Variants in AK7 observed in about 807,000 individuals in gnomAD.
The protein encoded by AK7 is adenylate kinase 7.
In AK7, 78 loss-of-function variants were observed where a neutral mutation model predicts 96.6. That is an observed-to-expected ratio of 0.81 (90% confidence interval 0.67 to 0.97). The LOEUF is 0.97. AK7 is among the 50% of genes least tolerant of loss of function. AK7 has a pLI of 0.00. For missense variants in AK7, 855 were observed against 887.9 expected (o/e 0.96, Z 0.47); for synonymous variants, 302 against 317.2 (o/e 0.95, Z 0.51).
chr14:96,401,802 G>C lies in AK7; in HGVS notation c.295-2955G>C, dbSNP rs75249588. 2.9e-3 allele frequency among the ~76,000 whole-genome samples: 448 copies of C among 152,320 alleles called. 4 individuals are homozygous for C. Among genetic ancestry groups the C allele is most frequent in the African/African-American group, 0.01 (421 of 41,566 alleles). ...CCCTGAGCATTCTGGGCTCTGCCAG[G>C]TGAGCTTGTATTCATCCTTCCAGCC... On this transcript the variant is annotated intron_variant, in intron 2 of 17. Coordinates refer to ENST00000267584, the MANE Select transcript of AK7 (RefSeq NM_152327.5).
intron 14 of AK7, among the ~76,000 whole-genome samples, chr14:96,476,836 GA>G (rs1482629183): frequency 6.6e-6 from 1 of 152,150 alleles, no homozygotes; most frequent in Non-Finnish European, 1.5e-5. Context: ...GATCAGCCTG[GA>G]AGAAAGATAG....
At chr14:96,402,185 G>GCACACACA (rs34222287) in intron 2 of AK7, among the ~76,000 whole-genome samples, 3,694 of 146,240 alleles carry the variant, frequency 0.025, 59 homozygotes, top group Non-Finnish European at 0.037. Context: ...ATACACAGAT[G>GCACACACA]CACACACACA....
intron 10 of AK7, among the ~76,000 whole-genome samples, chr14:96,453,670 T>C (rs1373344296): frequency 6.6e-6 from 1 of 152,210 alleles, no homozygotes; most frequent in Admixed American, 6.6e-5. Context: ...TGGCTCCCAG[T>C]GTCCATCTGC....
rs1199157206 is a variant in AK7 at position 96,482,240 on chromosome 14, CA to C, written c.1754-755del. Among the ~76,000 whole-genome samples, 31 of 151,380 alleles carry C rather than the reference CA, an allele frequency of 2.0e-4. 1 individual carries two copies. Among genetic ancestry groups the C allele is most frequent in the Admixed American group, 2.0e-3 (31 of 15,190 alleles). On this transcript the variant is annotated intron_variant, in intron 15 of 17. Transcript: ENST00000267584. Reference sequence around the variant, plus strand: ...TGGGGAGACCCTGTCTCTATAAAAACAAAACAAAACAATAAAAAACAAACAT... The same window carrying C: ...TGGGGAGACCCTGTCTCTATAAAAACAAACAAAACAATAAAAAACAAACAT...
Position 96,488,415 on chromosome 14 carries a change from T to C in AK7, c.*72T>C. ...CTTATTATACTTTGAAAAATTGCTTTGAAAAATGCTTTTCCAGTTCTTAGA... is the reference window on the plus strand; with the variant it reads ...CTTATTATACTTTGAAAAATTGCTTCGAAAAATGCTTTTCCAGTTCTTAGA... On this transcript the variant is annotated 3_prime_UTR_variant, in exon 18 of 18. Coordinates refer to ENST00000267584, the MANE Select transcript of AK7 (RefSeq NM_152327.5). The C allele has an allele frequency of 7.3e-7, 1 of 1,373,634 alleles. No homozygotes were observed. Among genetic ancestry groups the C allele is most frequent in the South Asian group, 1.4e-5 (1 of 73,032 alleles). 85.1% of individuals were successfully genotyped at this position (1,373,634 alleles called of 1,614,324 possible). A position where few individuals can be genotyped will look rare whatever the true frequency, so the allele number is the denominator to read the frequency against.
rs561317667 is a variant in AK7, at chr14:96,470,433, C to T, written c.1358-1045C>T. On this transcript the variant is annotated intron_variant, in intron 12 of 17. Transcript: ENST00000267584. The stretch of plus-strand genomic sequence containing the variant: ...ATTAAGCAAGGTAAGGATGGGGCTG[C>T]GTTTTGAACATTGTAGCTGTTCAAT... Among the ~76,000 whole-genome samples the T allele has an allele frequency of 5.9e-5, 9 of 152,188 alleles. No homozygotes were observed. In the South Asian group the frequency reaches 6.2e-4, roughly 11 times the overall value.
chr14:96,417,616 T>C (rs997278937), intron 4 of AK7, among the ~76,000 whole-genome samples: 1 of 152,338 alleles, frequency 6.6e-6, no homozygotes, highest in Middle Eastern at 3.4e-3. Context: ...CCGAAATGTA[T>C]CATAAACACA....
intron 17 of AK7, chr14:96,487,918 A>T (rs1895863087): frequency 3.3e-6 from 1 of 300,672 alleles, no homozygotes; most frequent in African/African-American, 2.3e-5. Context: ...TTATTTATTT[A>T]TTATTTATTT....
chr14:96,421,044 T>C (rs1891660398), intron 5 of AK7, 112 bp downstream of exon 5: 2 of 698,308 alleles, frequency 2.9e-6, no homozygotes, highest in Non-Finnish European at 4.8e-6. Flanking sequence ...CACCCCAGGA[T>C]ACACTGTCCT....
At chr14:96,421,247 T>G (rs189599529) in intron 5 of AK7, among the ~76,000 whole-genome samples, 3 of 152,292 alleles carry the variant, frequency 2.0e-5, no homozygotes, top group Admixed American at 2.0e-4. Context: ...AGAATCTATC[T>G]CATTTGTTTC....
chr14:96,474,446 T>TAAAAAAAAAAAAA (rs1170896129), intron 14 of AK7, among the ~76,000 whole-genome samples: 1 of 101,470 alleles, frequency 9.9e-6, no homozygotes, highest in Non-Finnish European at 2.0e-5. Context: ...TCATATCTAC[T>TAAAAAAAAAAAAA]AAAAAAAAAA....
intron 15 of AK7, among the ~76,000 whole-genome samples, chr14:96,479,461 G>A (rs1490452847): frequency 1.4e-4 from 21 of 151,228 alleles, no homozygotes; most frequent in Non-Finnish European, 2.4e-4. Context: ...CTTGGGAGCA[G>A]TGTTCTGTCC....
intron 1 of AK7, among the ~76,000 whole-genome samples, chr14:96,393,970 G>A (rs1387944253): frequency 1.3e-5 from 2 of 152,118 alleles, no homozygotes; most frequent in African/African-American, 2.4e-5. Context: ...TTAACCGGGC[G>A]TGGTGGCAGG....
intron 3 of AK7, among the ~76,000 whole-genome samples, chr14:96,405,273 C>G (rs565654462): frequency 6.6e-6 from 1 of 152,250 alleles, no homozygotes; most frequent in East Asian, 1.9e-4. Flanking sequence ...GCCTCGAACT[C>G]CTGGGCTCAA....
chr14:96,463,719 CAAAA>C (rs35376666), intron 12 of AK7, among the ~76,000 whole-genome samples: 6 of 83,754 alleles, frequency 7.2e-5, no homozygotes, highest in Admixed American at 1.4e-4. Context: ...TACTCTGTCT[CAAAA>C]AAAAAAAAAA....
intron 1 of AK7, among the ~76,000 whole-genome samples, chr14:96,392,819 C>T (rs1397192087): frequency 1.3e-5 from 2 of 151,776 alleles, no homozygotes; most frequent in Non-Finnish European, 2.9e-5. Flanking sequence ...CCCGACACCG[C>T]GCCCGGCTAA....
intron 14 of AK7, among the ~76,000 whole-genome samples, chr14:96,475,791 G>T (rs1895141183): frequency 6.6e-6 from 1 of 151,906 alleles, no homozygotes; most frequent in Non-Finnish European, 1.5e-5. Flanking sequence ...GGGCAATATA[G>T]CAAGACCCCC....
At chr14:96,484,483 T>C (rs181500934) in intron 16 of AK7, among the ~76,000 whole-genome samples, 13 of 152,276 alleles carry the variant, frequency 8.5e-5, no homozygotes, top group Admixed American at 8.5e-4. Flanking sequence ...TATCACAATT[T>C]GATAAAAATC....
chr14:96,477,896 C>T (rs969770736), intron 14 of AK7, among the ~76,000 whole-genome samples: 6 of 152,118 alleles, frequency 3.9e-5, no homozygotes, highest in East Asian at 1.9e-4. Context: ...TAGGAGGCAG[C>T]GTGAGGCCAG....
Sources: gnomAD v4.1 joint callset for allele counts (sites outside exome capture counted in the v4.1 genomes callset) on GRCh38, gnomAD v4.1.1 for gene constraint, MANE v1.5 for transcripts, NCBI Gene and HGNC (gene_info 2026-07-23, HGNC 2026-07-21) for gene names.